GAS7: variants seen among roughly 807,000 people sequenced by gnomAD.
The protein encoded by GAS7 is growth arrest specific 7.
A neutral mutation model predicts 71.1 loss-of-function variants in GAS7; 28 were observed. The ratio of observed to expected loss-of-function variants is 0.39; its 90% CI spans 0.29 to 0.54. The LOEUF (loss-of-function observed/expected upper bound fraction) is 0.54. Among genes scored for constraint, GAS7 ranks in the 20% least tolerant of loss-of-function variants. The pLI is 0.62. For missense variants in GAS7, 436 were observed against 627.8 expected (o/e 0.69, Z 3.27); for synonymous variants, 258 against 245.8 (o/e 1.05, Z -0.46).
At chr17:10,195,868 A>G (rs551784343) in intron 1 of GAS7, among the ~76,000 whole-genome samples, 1 of 152,186 alleles carries the variant, frequency 6.6e-6, no homozygotes, top group African/African-American at 2.4e-5. Context: ...CCAGATGCCA[A>G]GCACCTGACC....
chr17:10,118,140 C>T (rs370839258), intron 1 of GAS7, among the ~76,000 whole-genome samples: 2 of 152,144 alleles, frequency 1.3e-5, no homozygotes, highest in Non-Finnish European at 2.9e-5. Context: ...CCAAGACCAT[C>T]CCGGATTACA....
At chr17:10,092,572 G>A (rs1353083602) in intron 1 of GAS7, among the ~76,000 whole-genome samples, 2 of 152,188 alleles carry the variant, frequency 1.3e-5, no homozygotes, top group Non-Finnish European at 2.9e-5. Flanking sequence ...CGTTCAACAG[G>A]TTGACTTTGA....
In GAS7 at chr17:10,095,814, A is replaced by T. The variant is rs543389094; in HGVS notation, c.184-75917T>A. 5.3e-5 allele frequency among the ~76,000 whole-genome samples: 8 copies of T among 151,914 alleles called. No individual in the cohort carries two copies. The East Asian group carries it at 9.7e-4, about 18-fold the overall frequency. Reference sequence around the variant, plus strand: ...GAGACTCCATCTCAAAAAAAAAAAAAAAAATAAGGTTCTCAGATCTTAACA... The same window carrying T: ...GAGACTCCATCTCAAAAAAAAAAAATAAAATAAGGTTCTCAGATCTTAACA... On this transcript the variant is annotated intron_variant, in intron 1 of 13. Transcript: ENST00000432992.
At chr17:10,072,474 G>A (rs1269439154) in intron 1 of GAS7, among the ~76,000 whole-genome samples, 2 of 152,182 alleles carry the variant, frequency 1.3e-5, no homozygotes, top group Non-Finnish European at 2.9e-5. Flanking sequence ...ACCCTGAGAA[G>A]GACAAAGCTC....
intron 1 of GAS7, among the ~76,000 whole-genome samples, chr17:10,177,647 TAGAA>T (rs1423133637): frequency 4.6e-5 from 7 of 152,016 alleles, no homozygotes; most frequent in Non-Finnish European, 1.0e-4. Flanking sequence ...CCACAAGCCA[TAGAA>T]AGCCAAGTAC....
intron 12 of GAS7, 75 bp from the exon 13 acceptor site, chr17:9,918,174 A>C: frequency 4.1e-6 from 4 of 979,238 alleles, no homozygotes; most frequent in Non-Finnish European, 6.4e-6. Flanking sequence ...AAGACCACAA[A>C]ACGCAAGTCA....
Position 10,198,189 on chromosome 17 carries a change from C to T in GAS7, c.183+19G>A. 1 of 1,604,284 alleles carries T rather than the reference C, an allele frequency of 6.2e-7. No individual in the cohort carries two copies. The highest frequency in any genetic ancestry group is 8.5e-7 in the Non-Finnish European group (1 of 1,176,878). On this transcript the variant is annotated intron_variant, in intron 1 of 13. Transcript: ENST00000432992. ...GGACCGCAGCCCCGGCTCCTACAGC[C>T]CCGGCCCTCGCCCCTTACCTCCAGC...
rs1317060189 is a variant in GAS7 at position 10,136,582 on chromosome 17, A to T, written c.183+61626T>A. Among the ~76,000 whole-genome samples the T allele has an allele frequency of 2.0e-5, 3 of 152,192 alleles. No individual in the cohort carries two copies. In the East Asian group the frequency reaches 5.8e-4, roughly 29 times the overall value. On this transcript the variant is annotated intron_variant, in intron 1 of 13. Coordinates refer to ENST00000432992, the MANE Select transcript of GAS7 (RefSeq NM_201433.2). ...CTGCAAAAAGGGACTCAAATCCTCC[A>T]CATGACACCATCTCCACTGTTATCA...
intron 2 of GAS7, among the ~76,000 whole-genome samples, chr17:10,007,807 T>C (rs961090160): frequency 6.6e-6 from 1 of 152,054 alleles, no homozygotes; most frequent in Non-Finnish European, 1.5e-5. Flanking sequence ...GTTGCAGAGT[T>C]GTATAACCTG....
At chr17:10,160,936 C>CCACACACACACACACA (rs1047217599) in intron 1 of GAS7, among the ~76,000 whole-genome samples, 1 of 93,662 alleles carries the variant, frequency 1.1e-5, no homozygotes, top group African/African-American at 4.2e-5. Context: ...GAAATTGAAA[C>CCACACACACACACACA]CATACACACA....
intron 1 of GAS7, among the ~76,000 whole-genome samples, chr17:10,052,265 T>G (rs2073072807): frequency 6.6e-6 from 1 of 152,032 alleles, no homozygotes; most frequent in Admixed American, 6.5e-5. Flanking sequence ...GAATCCAATA[T>G]CCAAAGGCAA....
chr17:10,005,569 G>A (rs1367819598), intron 2 of GAS7, among the ~76,000 whole-genome samples: 1 of 152,042 alleles, frequency 6.6e-6, no homozygotes, highest in Admixed American at 6.6e-5. Context: ...GGAAGGTGGG[G>A]CTGGTGGGGC....
intron 1 of GAS7, among the ~76,000 whole-genome samples, chr17:10,193,492 C>T (rs1207736532): frequency 6.6e-6 from 1 of 152,162 alleles, no homozygotes; most frequent in Non-Finnish European, 1.5e-5. Context: ...GTACCCACCT[C>T]CCTTCCAAAT....
At chr17:10,084,988 G>A (rs1350313569) in intron 1 of GAS7, among the ~76,000 whole-genome samples, 2 of 152,138 alleles carry the variant, frequency 1.3e-5, no homozygotes, top group Admixed American at 1.3e-4. Context: ...GAGCAAGAAA[G>A]GGATGCATGG....
At chr17:10,084,880 G>A (rs966501605) in intron 1 of GAS7, among the ~76,000 whole-genome samples, 4 of 152,092 alleles carry the variant, frequency 2.6e-5, no homozygotes, top group South Asian at 2.1e-4. Context: ...CACAACAAAC[G>A]CCAAGCGGTC....
At chr17:10,052,476 G>A (rs571082878) in intron 1 of GAS7, among the ~76,000 whole-genome samples, 88 of 152,318 alleles carry the variant, frequency 5.8e-4, no homozygotes, top group African/African-American at 1.9e-3. Flanking sequence ...CCACAGCAAA[G>A]AGCCGTGACC....
At chr17:10,025,707 G>A (rs2072440657) in intron 1 of GAS7, among the ~76,000 whole-genome samples, 1 of 152,132 alleles carries the variant, frequency 6.6e-6, no homozygotes, top group Admixed American at 6.5e-5. Context: ...CACCTGGGAT[G>A]TGAGTTCAAG....
Position 9,910,720 on chromosome 17 carries a change from G to GT in GAS7, c.*6507dup, listed in dbSNP as rs1314122432. 4.6e-6 allele frequency: 1 copy of GT among 217,448 alleles called. No homozygotes were observed. Among genetic ancestry groups the GT allele is most frequent in the African/African-American group, 2.3e-5 (1 of 44,376 alleles). The allele number at this position is 217,448 out of a possible 1,614,324, so 13.5% of individuals were successfully genotyped here. On this transcript the variant is annotated 3_prime_UTR_variant, in exon 14 of 14. Coordinates refer to ENST00000432992, the MANE Select transcript of GAS7 (RefSeq NM_201433.2). ...TTCAGCATTAATACACACAAATGCG[G>GT]TAACAGGGGTCAGGGGGGTGGTGCG... is the stretch of plus-strand genomic sequence containing the variant.
chr17:10,152,660 G>C (rs2074175305), intron 1 of GAS7, among the ~76,000 whole-genome samples: 1 of 152,204 alleles, frequency 6.6e-6, no homozygotes, highest in South Asian at 2.1e-4. Flanking sequence ...CAAGATGGCA[G>C]AGGAGGAGAC....
Sources: allele counts gnomAD v4.1 joint callset (sites outside exome capture counted in the v4.1 genomes callset), GRCh38; gene constraint gnomAD v4.1.1; transcripts MANE v1.5; gene names NCBI Gene and HGNC (gene_info 2026-07-23, HGNC 2026-07-21).